Variants in ZHX3 observed in about 807,000 individuals in gnomAD.
ZHX3 encodes the protein zinc fingers and homeoboxes protein 3.
Under a neutral mutation model 64.5 loss-of-function variants are expected in ZHX3, and 20 were observed. The observed-to-expected ratio is 0.31, with a 90% CI of 0.22 to 0.45. The LOEUF is 0.45. Ranked by LOEUF, ZHX3 falls within the 20% of genes least tolerant of loss-of-function variation. The probability of loss-of-function intolerance (pLI) is 1.00; values close to 1 mark genes in which losing one functional copy is unlikely to be tolerated. For missense variants in ZHX3, 1,041 were observed against 1,195.8 expected, an observed-to-expected ratio of 0.87 and a Z score of 1.91; for synonymous variants, 423 against 461.6, an observed-to-expected ratio of 0.92 and a Z score of 1.07.
intron 1 of ZHX3, among the ~76,000 whole-genome samples, chr20:41,300,572 G>A (rs1437758654): frequency 6.6e-6 from 1 of 152,114 alleles, no homozygotes; most frequent in African/African-American, 2.4e-5. Flanking sequence ...GGTGCTAAGT[G>A]CTATCACAGA....
chr20:41,298,947 T>C (rs79009553), intron 1 of ZHX3, among the ~76,000 whole-genome samples: 2 of 146,404 alleles, frequency 1.4e-5, no homozygotes, highest in East Asian at 3.9e-4. Flanking sequence ...ACTGTTCTTG[T>C]GCTAACCAAG....
chr20:41,256,424 C>G (rs1297408452), intron 2 of ZHX3, among the ~76,000 whole-genome samples: 2 of 151,990 alleles, frequency 1.3e-5, no homozygotes, highest in Non-Finnish European at 2.9e-5. Flanking sequence ...GAGGGTAGAA[C>G]TGACTTAATA....
intron 1 of ZHX3, among the ~76,000 whole-genome samples, chr20:41,273,937 T>C (rs543434095): frequency 3.3e-5 from 5 of 152,320 alleles, no homozygotes; most frequent in African/African-American, 9.6e-5. Flanking sequence ...TTGAGTAGTA[T>C]TGCCATCTTT....
intron 1 of ZHX3, among the ~76,000 whole-genome samples, chr20:41,312,007 T>C (rs1272259492): frequency 6.6e-6 from 1 of 151,384 alleles, no homozygotes; most frequent in Non-Finnish European, 1.5e-5. Context: ...ATTGGGGGAG[T>C]AGACAATAAA....
chr20:41,227,798 G>C (rs2040365349), intron 2 of ZHX3, among the ~76,000 whole-genome samples: 1 of 152,046 alleles, frequency 6.6e-6, no homozygotes, highest in Admixed American at 6.5e-5. Flanking sequence ...ATTTGTTATT[G>C]GTTGTTTCTA....
rs1338680257 is a variant in ZHX3 at position 41,184,584 on chromosome 20, C to T, written c.*607G>A. 3.0e-5 allele frequency: 9 copies of T among 299,602 alleles called. No individual in the cohort carries two copies. The highest frequency in any genetic ancestry group is 8.7e-5 in the South Asian group (2 of 22,920). The allele number at this position is 299,602 out of a possible 1,614,324, so 18.6% of individuals were successfully genotyped here. ...AAGGCAAAGCAAGCCTGACATGAAA[C>T]GTAGCCGGTCATCACTTAATGCAGC... is the stretch of plus-strand genomic sequence containing the variant. On this transcript the variant is annotated 3_prime_UTR_variant, in exon 4 of 4. Coordinates refer to ENST00000683867, the MANE Select transcript of ZHX3 (RefSeq NM_001384317.1).
chr20:41,306,632 T>A (rs1276202494), intron 1 of ZHX3, among the ~76,000 whole-genome samples: 5 of 152,224 alleles, frequency 3.3e-5, no homozygotes, highest in African/African-American at 1.2e-4. Flanking sequence ...ATTACTGAAA[T>A]CATTTTCTTA....
At chr20:41,296,454 T>C (rs2044533649) in intron 1 of ZHX3, among the ~76,000 whole-genome samples, 1 of 152,056 alleles carries the variant, frequency 6.6e-6, no homozygotes, top group African/African-American at 2.4e-5. Flanking sequence ...GTTTTCCACA[T>C]CTATAACATG....
intron 2 of ZHX3, among the ~76,000 whole-genome samples, chr20:41,237,478 C>G (rs2041087056): frequency 6.6e-6 from 1 of 152,174 alleles, no homozygotes; most frequent in African/African-American, 2.4e-5. Flanking sequence ...ATAGATGAAG[C>G]TGGAAACCAT....
intron 3 of ZHX3, among the ~76,000 whole-genome samples, chr20:41,199,548 A>C (rs1434313791): frequency 1.3e-5 from 2 of 152,098 alleles, no homozygotes; most frequent in Non-Finnish European, 2.9e-5. Context: ...CTGGCTTGCC[A>C]AAAGGAGGAA....
Position 41,204,782 on chromosome 20 carries a change from T to A in ZHX3, c.135A>T (p.Ala45=). The change falls in exon 3 of 4, where the codon GCA becomes GCT. Residue 45 remains alanine, a synonymous_variant. Coordinates refer to ENST00000683867, the MANE Select transcript of ZHX3 (RefSeq NM_001384317.1). This position sits in a 1 kb window ranked among gnomAD's most constrained non-coding sequence, Gnocchi z 6.6. ...EGPQQDLPPE[A]SAASSEAAQN... is the part of the protein sequence containing the mutation. ...GTGCTGCCTCACTGCTGGCAGCAGA[T>A]GCTTCTGGGGGCAGATCCTGCTGGG... The A allele has an allele frequency of 6.2e-7, 1 of 1,613,994 alleles. No homozygotes were observed. Among genetic ancestry groups the A allele is most frequent in the South Asian group, 1.1e-5 (1 of 91,068 alleles).
rs142948030 is a variant in ZHX3 at position 41,289,759 on chromosome 20, T to C, written c.-244-20676A>G. On this transcript the variant is annotated intron_variant, in intron 1 of 3. Coordinates refer to ENST00000683867, the MANE Select transcript of ZHX3 (RefSeq NM_001384317.1). Reference sequence around the variant, plus strand: ...AGCTCTCTGGCCCCTAGATTACAAATGCCACCGAGAAATGATCCTGTCTTA... The same window carrying C: ...AGCTCTCTGGCCCCTAGATTACAAACGCCACCGAGAAATGATCCTGTCTTA... 1.0e-3 allele frequency among the ~76,000 whole-genome samples: 157 copies of C among 151,100 alleles called. 1 individual carries two copies. The highest frequency in any genetic ancestry group is 6.9e-4 in the Non-Finnish European group (47 of 67,758).
At chr20:41,314,049 A>G (rs1357333141) in intron 1 of ZHX3, among the ~76,000 whole-genome samples, 1 of 152,258 alleles carries the variant, frequency 6.6e-6, no homozygotes, top group African/African-American at 2.4e-5. Context: ...CTTAAAAATA[A>G]GAAGCAACTG....
chr20:41,309,881 T>C (rs1396429241), intron 1 of ZHX3, among the ~76,000 whole-genome samples: 1 of 152,244 alleles, frequency 6.6e-6, no homozygotes, highest in South Asian at 2.1e-4. Flanking sequence ...CTGAGTTCAC[T>C]TCATTTCAGT....
At chr20:41,222,093 A>G (rs2039981876) in intron 2 of ZHX3, among the ~76,000 whole-genome samples, 1 of 152,250 alleles carries the variant, frequency 6.6e-6, no homozygotes, top group Non-Finnish European at 1.5e-5. Context: ...AGGAAAACAC[A>G]GTGGAGAAGT....
Position 41,203,705 on chromosome 20 carries a change from A to G in ZHX3, c.1212T>C (p.His404=). 6.2e-7 allele frequency: 1 copy of G among 1,614,210 alleles called. No individual in the cohort carries two copies. Among genetic ancestry groups the G allele is most frequent in the Non-Finnish European group, 8.5e-7 (1 of 1,180,026 alleles). The change falls in exon 3 of 4, where the codon CAT becomes CAC. Residue 404 remains histidine, a synonymous_variant. Transcript: ENST00000683867. The surrounding 1 kb of genome is among the most constrained non-coding windows in gnomAD (Gnocchi z 7.1). ...PLVASAGNVQ[H]LIQAALPGHV... is the part of the protein sequence containing the mutation. ...GACCTGGAAGAGCGGCCTGGATGAGATGCTGGACATTGCCAGCACTGGCGA... is the reference window on the plus strand; with the variant it reads ...GACCTGGAAGAGCGGCCTGGATGAGGTGCTGGACATTGCCAGCACTGGCGA...
rs541762072 is a variant in ZHX3, at chr20:41,228,631, C to T, written c.-150-23565G>A. 6.6e-6 allele frequency among the ~76,000 whole-genome samples: 1 copy of T among 152,182 alleles called. No homozygotes were observed. The highest frequency in any genetic ancestry group is 2.1e-4 in the South Asian group (1 of 4,816). On this transcript the variant is annotated intron_variant, in intron 2 of 3. Transcript: ENST00000683867. The surrounding 1 kb of genome is among the most constrained non-coding windows in gnomAD (Gnocchi z 4.6). ...GTCTCTTTTATAAGGCCACTAGTTC[C>T]ATTCATGAGAGCTCTATCCCAGTGA...
Position 41,201,987 on chromosome 20 carries a change from C to T in ZHX3, c.2860+70G>A. On this transcript the variant is annotated intron_variant, in intron 3 of 3. Coordinates refer to ENST00000683867, the MANE Select transcript of ZHX3 (RefSeq NM_001384317.1). The surrounding 1 kb of genome is among the most constrained non-coding windows in gnomAD (Gnocchi z 5.0). ...AGCAGATGCCCCTGTGCAGTAAATT[C>T]AGTGCCCAACCATAAGTGCCTCCTC... 3 of 1,485,902 alleles carry T rather than the reference C, an allele frequency of 2.0e-6. No individual in the cohort carries two copies. The highest frequency in any genetic ancestry group is 2.3e-4 in the Middle Eastern group (1 of 4,440). The allele number at this position is 1,485,902 out of a possible 1,614,324, so 92.0% of individuals were successfully genotyped here.
chr20:41,198,070 T>C (rs1352892030), intron 3 of ZHX3, among the ~76,000 whole-genome samples: 1 of 148,552 alleles, frequency 6.7e-6, no homozygotes, highest in Non-Finnish European at 1.5e-5. Context: ...AGTGGTGCGA[T>C]CTCGGCTCAC....
Sources: gnomAD v4.1 joint callset for allele counts (sites outside exome capture counted in the v4.1 genomes callset) on GRCh38, gnomAD v4.1.1 for gene constraint, Gnocchi (gnomAD v3.1) non-coding constraint, MANE v1.5 for transcripts, NCBI Gene and HGNC (gene_info 2026-07-23, HGNC 2026-07-21) for gene names.